Variants in ZIM2 observed in about 807,000 individuals in gnomAD.
The protein encoded by ZIM2 is zinc finger imprinted 2.
ZIM2 carries 14 observed loss-of-function variants against 38.6 expected under a neutral mutation model. The ratio of observed to expected loss-of-function variants is 0.36; its 90% CI spans 0.24 to 0.57. The LOEUF (loss-of-function observed/expected upper bound fraction) is 0.57. ZIM2 is among the 20% of genes least tolerant of loss of function. ZIM2 has a pLI of 0.81. For synonymous variants in ZIM2, 247 were observed against 245.8 expected, an observed-to-expected ratio of 1.00 and a Z score of -0.04; for missense variants, 680 against 695.1, an observed-to-expected ratio of 0.98 and a Z score of 0.24.
intron 9 of ZIM2, among the ~76,000 whole-genome samples, chr19:56,807,627 C>CA (rs1363640657): frequency 2.0e-5 from 3 of 151,934 alleles, no homozygotes; most frequent in African/African-American, 7.3e-5. Flanking sequence ...CCTGTCTCTA[C>CA]AAAAAATTAA....
Position 56,814,709 on chromosome 19 carries a change from T to G in ZIM2, c.490+3037A>C, listed in dbSNP as rs56115175. ...AGTAAATCATCTTCCCTATGAAGTC[T>G]CATATGCTCATTAAGGGCAGAGCTA... On this transcript the variant is annotated intron_variant, in intron 9 of 12. Coordinates refer to ENST00000629319, the MANE Select transcript of ZIM2 (RefSeq NM_001387356.1). This position sits in a 1 kb window ranked among gnomAD's most constrained non-coding sequence, Gnocchi z 5.8. 7.4e-3 allele frequency: 11,964 copies of G among 1,614,064 alleles called. 803 individuals are homozygous for G. The Admixed American group carries it at 0.15, about 20-fold the overall frequency.
At chr19:56,838,115 G>A (rs997458340) in intron 1 of ZIM2, among the ~76,000 whole-genome samples, 3 of 152,224 alleles carry the variant, frequency 2.0e-5, no homozygotes, top group Non-Finnish European at 4.4e-5. Context: ...GCCACAGAGT[G>A]GGCGGGGCCA....
intron 2 of ZIM2, among the ~76,000 whole-genome samples, chr19:56,834,129 A>G (rs899572465): frequency 1.3e-5 from 2 of 152,224 alleles, no homozygotes; most frequent in Non-Finnish European, 2.9e-5. Context: ...TTATTTGACT[A>G]TATTCTAATA....
chr19:56,835,966 G>C (rs1482364933), intron 2 of ZIM2, 52 bp downstream of exon 2: 1 of 492,754 alleles, frequency 2.0e-6, no homozygotes, highest in African/African-American at 1.9e-5. Context: ...AAGGAAGTGC[G>C]GTGGTCACTC....
chr19:56,833,153 G>A (rs759402575), intron 2 of ZIM2: 1 of 517,388 alleles, frequency 1.9e-6, no homozygotes, highest in Non-Finnish European at 3.9e-6. Flanking sequence ...TGTGACTCCG[G>A]TTTGGCCTCA....
intron 9 of ZIM2, among the ~76,000 whole-genome samples, chr19:56,802,109 C>T (rs1256928402): frequency 6.6e-6 from 1 of 152,142 alleles, no homozygotes; most frequent in Admixed American, 6.5e-5. Context: ...AGGGCAGGTT[C>T]CACCAGGTGC....
chr19:56,821,568 A>G (rs2060489657), intron 7 of ZIM2, 83 bp downstream of exon 7: 2 of 1,549,664 alleles, frequency 1.3e-6, no homozygotes, highest in Admixed American at 3.4e-5. Flanking sequence ...GGGGGCAGAT[A>G]AACACACCAT....
intron 12 of ZIM2, among the ~76,000 whole-genome samples, chr19:56,775,860 G>A (rs968162739): frequency 2.0e-5 from 3 of 152,076 alleles, no homozygotes; most frequent in Non-Finnish European, 4.4e-5. Flanking sequence ...CCAGCACCTT[G>A]GGAGGCCGAG....
intron 9 of ZIM2, chr19:56,816,171 A>G (rs1047946361): frequency 8.7e-6 from 14 of 1,614,090 alleles, no homozygotes; most frequent in Non-Finnish European, 1.2e-5. Flanking sequence ...TCTGGTTTTC[A>G]TAGGGGTTAG....
intron 10 of ZIM2, among the ~76,000 whole-genome samples, chr19:56,782,726 A>G (rs1029749223): frequency 6.6e-6 from 1 of 152,064 alleles, no homozygotes; most frequent in Admixed American, 6.6e-5. Flanking sequence ...AATTTTTAAA[A>G]ATTTTTGTGG....
chr19:56,786,753 T>C (rs1279736004), intron 10 of ZIM2, among the ~76,000 whole-genome samples: 1 of 152,198 alleles, frequency 6.6e-6, no homozygotes, highest in East Asian at 1.9e-4. Context: ...GGATAGTGTG[T>C]TGGGTGGGAA....
In ZIM2 at chr19:56,814,332, TGCTGCTGCTGCA is replaced by T. The variant is rs765862516; in HGVS notation, c.490+3402_490+3413del. On this transcript the variant is annotated intron_variant, in intron 9 of 12. Transcript: ENST00000629319. This position sits in a 1 kb window ranked among gnomAD's most constrained non-coding sequence, Gnocchi z 5.8. ...GGACATTGGCTTCAACTTCCTGGGCTGCTGCTGCTGCAGCTGCTGCTGCTTCATCTTCTTCTT... is the reference window on the plus strand; with the variant it reads ...GGACATTGGCTTCAACTTCCTGGGCTGCTGCTGCTGCTTCATCTTCTTCTT... 1.1e-5 allele frequency: 18 copies of T among 1,612,384 alleles called. No individual in the cohort carries two copies. The highest frequency in any genetic ancestry group is 6.7e-5 in the Admixed American group (4 of 59,994).
chr19:56,775,523 G>C lies in ZIM2; in HGVS notation c.842C>G (p.Ser281Cys), dbSNP rs1414360991. Reference sequence around the variant, plus strand: ...GTGTGGTTCCAATGGATCATCATGAGACTCTCCTGCAGAGACAATGCCAGA... The same window carrying C: ...GTGTGGTTCCAATGGATCATCATGACACTCTCCTGCAGAGACAATGCCAGA... ...SRHTVICQGE[S>C]HDDPLEPHQG... Residue 281 changes from serine to cysteine, a missense_variant, in exon 13 of 13, where the codon TCT (serine) becomes TGT (cysteine). Physicochemically the swap from Ser to Cys is moderately radical, Grantham distance 112 (BLOSUM62 -1). Coordinates refer to ENST00000629319, the MANE Select transcript of ZIM2 (RefSeq NM_001387356.1). 4 of 1,608,672 alleles carry C rather than the reference G, an allele frequency of 2.5e-6. No homozygotes were observed. The East Asian group carries it at 8.9e-5, about 36-fold the overall frequency.
At position 56,824,281 on chromosome 19, in the gene ZIM2, C is replaced by T; in HGVS notation, c.-4G>A. 1 of 1,613,892 alleles carries T rather than the reference C, an allele frequency of 6.2e-7. No individual in the cohort carries two copies. The highest frequency in any genetic ancestry group is 1.3e-5 in the African/African-American group (1 of 74,878). On this transcript the variant is annotated 5_prime_UTR_variant, in exon 4 of 13. Transcript: ENST00000629319. ...TCTCACCTTCTGGTTGGTACATCTC[C>T]TTGTAATTCTCCAGCAGAGTGACGA...
chr19:56,774,906 G>A lies in ZIM2; in HGVS notation c.1459C>T (p.Arg487Trp), dbSNP rs1277838187. 6.8e-6 allele frequency: 11 copies of A among 1,613,998 alleles called. No homozygotes were observed. Among genetic ancestry groups the A allele is most frequent in the Admixed American group, 1.7e-5 (1 of 60,006 alleles). ...HSKTYLIRYQ[R>W]KHDYVGERAC... ...CTCTCTCCAACGTAGTCATGTTTCC[G>A]CTGATAACGAATTAAGTATGTCTTG... The change falls in exon 13 of 13, where the codon CGG (arginine) becomes TGG (tryptophan). Residue 487 changes from arginine to tryptophan, a missense_variant. Physicochemically the swap from Arg to Trp is moderately radical, Grantham distance 101. Transcript: ENST00000629319.
At chr19:56,777,891 A>G (rs1394088543) in intron 12 of ZIM2, among the ~76,000 whole-genome samples, 4 of 152,094 alleles carry the variant, frequency 2.6e-5, no homozygotes, top group South Asian at 2.1e-4. Context: ...CTCATCTTCT[A>G]TCTTCCACTT....
chr19:56,790,476 T>C lies in ZIM2; in HGVS notation c.491-525A>G, dbSNP rs116060107. ...TGCTCTGTCCCACCTGGGACATGAATCATCCCTTTGTCCAGTGTATCCACT... is the reference window on the plus strand; with the variant it reads ...TGCTCTGTCCCACCTGGGACATGAACCATCCCTTTGTCCAGTGTATCCACT... On this transcript the variant is annotated intron_variant, in intron 9 of 12. Coordinates refer to ENST00000629319, the MANE Select transcript of ZIM2 (RefSeq NM_001387356.1). Among the ~76,000 whole-genome samples the C allele has an allele frequency of 9.9e-3, 1,508 of 152,312 alleles. 27 individuals carry two copies. Among genetic ancestry groups the C allele is most frequent in the African/African-American group, 0.034 (1,399 of 41,554 alleles).
At position 56,775,092 on chromosome 19, in the gene ZIM2, C is replaced by T. The variant is rs748113284; in HGVS notation, c.1273G>A (p.Val425Ile). 7.4e-6 allele frequency: 12 copies of T among 1,614,004 alleles called. No homozygotes were observed. Among genetic ancestry groups the T allele is most frequent in the South Asian group, 1.1e-5 (1 of 91,068 alleles). Residue 425 changes from valine to isoleucine, a missense_variant, in exon 13 of 13, where the codon GTC becomes ATC. Physicochemically the swap from Val to Ile is conservative, Grantham distance 29 (BLOSUM62 3). Coordinates refer to ENST00000629319, the MANE Select transcript of ZIM2 (RefSeq NM_001387356.1). ...CGTTCACAGAGATTCGCACACTGGACGGAAGGCTTTCTACCTTCATTGCAG... is the reference window on the plus strand; with the variant it reads ...CGTTCACAGAGATTCGCACACTGGATGGAAGGCTTTCTACCTTCATTGCAG... ...SGCNEGRKPS[V>I]QCANLCERVR...
rs76576301 is a variant in ZIM2, at chr19:56,800,013, G to A, written c.491-10062C>T. On this transcript the variant is annotated intron_variant, in intron 9 of 12. Transcript: ENST00000629319. Reference sequence around the variant, plus strand: ...AATGTGTGGTGAAAATAAATTGGTGGTTGCCCCTAAGGAGACAGAGTTGGA... The same window carrying A: ...AATGTGTGGTGAAAATAAATTGGTGATTGCCCCTAAGGAGACAGAGTTGGA... Among the ~76,000 whole-genome samples the A allele has an allele frequency of 5.1e-3, 777 of 152,330 alleles. 5 individuals carry two copies. Among genetic ancestry groups the A allele is most frequent in the African/African-American group, 0.016 (653 of 41,574 alleles).
Sources: gnomAD v4.1 joint callset for allele counts (sites outside exome capture counted in the v4.1 genomes callset) on GRCh38, gnomAD v4.1.1 for gene constraint, Gnocchi (gnomAD v3.1) non-coding constraint, MANE v1.5 for transcripts, NCBI Gene and HGNC (gene_info 2026-07-23, HGNC 2026-07-21) for gene names.